Variants in BMPR1A observed in about 807,000 individuals in gnomAD.
BMPR1A encodes bone morphogenetic protein receptor type 1A.
In BMPR1A, 7 loss-of-function variants were observed where a neutral mutation model predicts 66.0. That is an observed-to-expected ratio of 0.11 (90% CI 0.06 to 0.20). The LOEUF (loss-of-function observed/expected upper bound fraction) is 0.20, where lower values mean the gene tolerates loss of function less well. BMPR1A is among the 10% of genes least tolerant of loss of function. The pLI is 1.00. For missense variants in BMPR1A, 408 were observed against 669.1 expected, an observed-to-expected ratio of 0.61 and a Z score of 4.31; for synonymous variants, 200 against 229.7, an observed-to-expected ratio of 0.87 and a Z score of 1.17.
At position 86,761,945 on chromosome 10, in the gene BMPR1A, A is replaced by G. The variant is rs769169510; in HGVS notation, c.-268+5026A>G. 2.6e-5 allele frequency among the ~76,000 whole-genome samples: 4 copies of G among 152,290 alleles called. No individual in the cohort carries two copies. In the South Asian group the frequency reaches 6.2e-4, roughly 24 times the overall value. ...GGATTTCCACTTGGCAGTTGTCTAT[A>G]TGGGTCTGGGGTTTGACAGAGGTTT... On this transcript the variant is annotated intron_variant, in intron 1 of 12. Transcript: ENST00000372037.
At chr10:86,870,311 A>C (rs1842839472) in intron 2 of BMPR1A, among the ~76,000 whole-genome samples, 1 of 152,210 alleles carries the variant, frequency 6.6e-6, no homozygotes, top group Non-Finnish European at 1.5e-5. Flanking sequence ...CACTCCTGTC[A>C]AAATCACTCA....
rs1213130793 is a variant in BMPR1A, at chr10:86,870,409, A to G, written c.-152-5458A>G. On this transcript the variant is annotated intron_variant, in intron 2 of 12. Coordinates refer to ENST00000372037, the MANE Select transcript of BMPR1A (RefSeq NM_004329.3). Reference sequence around the variant, plus strand: ...CTTACCCTACATTTAATCCATTGCTAAGTACCACTGAGTTTTGTTTTGTTT... The same window carrying G: ...CTTACCCTACATTTAATCCATTGCTGAGTACCACTGAGTTTTGTTTTGTTT... 4.6e-5 allele frequency among the ~76,000 whole-genome samples: 7 copies of G among 152,036 alleles called. No homozygotes were observed. The East Asian group carries it at 1.2e-3, about 25-fold the overall frequency.
At chr10:86,825,910 A>G (rs181230238) in intron 1 of BMPR1A, among the ~76,000 whole-genome samples, 2 of 152,358 alleles carry the variant, frequency 1.3e-5, no homozygotes, top group African/African-American at 4.8e-5. Context: ...AACACTGTTT[A>G]TTAAACTTTG....
chr10:86,880,627 C>G (rs1842974899), intron 3 of BMPR1A, among the ~76,000 whole-genome samples: 1 of 152,128 alleles, frequency 6.6e-6, no homozygotes, highest in African/African-American at 2.4e-5. Context: ...GCTTTCTTAG[C>G]CATATATTTT....
intron 1 of BMPR1A, among the ~76,000 whole-genome samples, chr10:86,835,584 A>C (rs1463827161): frequency 7.7e-6 from 1 of 129,536 alleles, no homozygotes; most frequent in Non-Finnish European, 1.7e-5. Context: ...AAAAAAAAAA[A>C]AAAAGGTGTT....
intron 9 of BMPR1A, among the ~76,000 whole-genome samples, chr10:86,918,277 T>G (rs529428946): frequency 6.6e-6 from 1 of 151,636 alleles, no homozygotes; most frequent in East Asian, 1.9e-4. Flanking sequence ...ATAGATGACA[T>G]GGATTTTAGA....
intron 11 of BMPR1A, among the ~76,000 whole-genome samples, chr10:86,922,209 C>T (rs944726742): frequency 2.0e-5 from 3 of 152,162 alleles, no homozygotes; most frequent in African/African-American, 7.2e-5. Context: ...CCAGTTCCTC[C>T]ATGTTATTTC....
rs1382832519 is a variant in BMPR1A, at chr10:86,927,696, T to C, written c.*3977T>C. 1 of 198,602 alleles carries C rather than the reference T, an allele frequency of 5.0e-6. No individual in the cohort carries two copies. The highest frequency in any genetic ancestry group is 8.0e-5 in the East Asian group (1 of 12,560). 12.3% of individuals were successfully genotyped at this position (198,602 alleles called of 1,614,324 possible). A position where few individuals can be genotyped will look rare whatever the true frequency, so the allele number is the denominator to read the frequency against. ...GTCCTGGCCCATTTAAAAACTAAAA[T>C]GTAGTATATATTGTATAAAATGGAA... On this transcript the variant is annotated 3_prime_UTR_variant, in exon 13 of 13. Transcript: ENST00000372037.
At chr10:86,917,503 T>C (rs545904861) in intron 9 of BMPR1A, among the ~76,000 whole-genome samples, 177 bp downstream of exon 9, 1 of 152,340 alleles carries the variant, frequency 6.6e-6, no homozygotes, top group South Asian at 2.1e-4. Context: ...CCAAGATCTT[T>C]CTTTACTAAC....
intron 1 of BMPR1A, among the ~76,000 whole-genome samples, chr10:86,779,535 TAG>T (rs1841403791): frequency 6.6e-6 from 1 of 152,210 alleles, no homozygotes; most frequent in Non-Finnish European, 1.5e-5. Flanking sequence ...TTTTTGATAA[TAG>T]CCGTTTTAAC....
intron 7 of BMPR1A, among the ~76,000 whole-genome samples, chr10:86,905,584 A>G (rs993317497): frequency 1.3e-5 from 2 of 152,034 alleles, no homozygotes; most frequent in African/African-American, 4.8e-5. Context: ...TGTGTCCCTC[A>G]TGCTTGGCAC....
chr10:86,878,419 A>T (rs1203180339), intron 3 of BMPR1A, among the ~76,000 whole-genome samples: 1 of 152,264 alleles, frequency 6.6e-6, no homozygotes, highest in Middle Eastern at 3.2e-3. Flanking sequence ...CAAATTTTAC[A>T]ACAGGATATA....
At chr10:86,852,243 G>C (rs1842579565) in intron 2 of BMPR1A, among the ~76,000 whole-genome samples, 1 of 152,116 alleles carries the variant, frequency 6.6e-6, no homozygotes, top group African/African-American at 2.4e-5. Flanking sequence ...TGGCGAGAAA[G>C]CATGTAGGAA....
At chr10:86,930,336 A>G (rs1843795969), downstream of BMPR1A, 1 of 151,574 alleles carries the variant, frequency 6.6e-6, no homozygotes, top group South Asian at 2.1e-4. Context: ...CTGGAGCGCA[A>G]TGGGGTGATC....
intron 7 of BMPR1A, among the ~76,000 whole-genome samples, chr10:86,903,025 A>C (rs1185817696): frequency 1.3e-5 from 2 of 152,134 alleles, no homozygotes. Flanking sequence ...CTCTGGTCTC[A>C]CCCTAAAAGC....
chr10:86,785,390 G>A (rs7099402), intron 1 of BMPR1A, among the ~76,000 whole-genome samples: 74,595 of 151,976 alleles, frequency 0.49, 18,978 homozygotes, highest in East Asian at 0.74. Flanking sequence ...ACCGCAATCT[G>A]CGCCTCCTGG....
At chr10:86,782,469 T>C (rs1227736390) in intron 1 of BMPR1A, among the ~76,000 whole-genome samples, 2 of 152,220 alleles carry the variant, frequency 1.3e-5, no homozygotes, top group African/African-American at 4.8e-5. Flanking sequence ...GGAGTTCTAA[T>C]TCCTCCACAT....
rs35504090 is a variant in BMPR1A, at chr10:86,896,165, GAAAA to G, written c.334-3616_334-3613del. Among the ~76,000 whole-genome samples, 41 of 103,778 alleles carry G rather than the reference GAAAA, an allele frequency of 4.0e-4. 1 individual carries two copies. The East Asian group carries it at 6.1e-3, about 15-fold the overall frequency. 68.1% of individuals were successfully genotyped at this position (103,778 alleles called of 152,430 possible). A position where few individuals can be genotyped will look rare whatever the true frequency, so the allele number is the denominator to read the frequency against. ...CGAGACTCCGTCTCAAAAAAGAAAAGAAAAAAAAAAAAAAAAGCTGAGGTGGGAG... is the reference window on the plus strand; with the variant it reads ...CGAGACTCCGTCTCAAAAAAGAAAAGAAAAAAAAAAAAGCTGAGGTGGGAG... On this transcript the variant is annotated intron_variant, in intron 5 of 12. Coordinates refer to ENST00000372037, the MANE Select transcript of BMPR1A (RefSeq NM_004329.3).
chr10:86,876,095 T>C lies in BMPR1A; in HGVS notation c.67+10T>C, dbSNP rs1842918456. 1 of 1,605,096 alleles carries C rather than the reference T, an allele frequency of 6.2e-7. No homozygotes were observed. The highest frequency in any genetic ancestry group is 1.3e-5 in the African/African-American group (1 of 74,704). On this transcript the variant is annotated intron_variant, in intron 3 of 12. Coordinates refer to ENST00000372037, the MANE Select transcript of BMPR1A (RefSeq NM_004329.3). Reference sequence around the variant, plus strand: ...ATTTCTCGTGTTCAAGGTAAATCAGTGTTCATTTTAGTAATGTATGTGTGT... The same window carrying C: ...ATTTCTCGTGTTCAAGGTAAATCAGCGTTCATTTTAGTAATGTATGTGTGT...
Sources: gnomAD v4.1 joint callset for allele counts (sites outside exome capture counted in the v4.1 genomes callset) on GRCh38, gnomAD v4.1.1 for gene constraint, MANE v1.5 for transcripts, NCBI Gene and HGNC (gene_info 2026-07-23, HGNC 2026-07-21) for gene names.